ZC3H12A: variants seen among roughly 807,000 people sequenced by gnomAD.
The protein encoded by ZC3H12A is zinc finger CCCH-type containing 12A.
Under a neutral mutation model 29.9 loss-of-function variants are expected in ZC3H12A, and 9 were observed. That is an observed-to-expected ratio of 0.30 (90% CI 0.18 to 0.53). ZC3H12A has a LOEUF of 0.53. ZC3H12A is among the 20% of genes least tolerant of loss of function. The probability of loss-of-function intolerance (pLI) is 0.96; values close to 1 mark genes in which losing one functional copy is unlikely to be tolerated. For missense variants in ZC3H12A, 617 were observed against 799.0 expected (o/e 0.77, Z 2.75); for synonymous variants, 323 against 338.1 (o/e 0.96, Z 0.49).
At position 37,479,988 on chromosome 1, in the gene ZC3H12A, G is replaced by A. The variant is rs1376004885; in HGVS notation, c.444-302G>A. 2.2e-5 allele frequency: 25 copies of A among 1,119,222 alleles called. No homozygotes were observed. Among genetic ancestry groups the A allele is most frequent in the African/African-American group, 1.1e-4 (7 of 62,518 alleles). The allele number at this position is 1,119,222 out of a possible 1,614,324, so 69.3% of individuals were successfully genotyped here. On this transcript the variant is annotated intron_variant, in intron 2 of 5. Transcript: ENST00000373087. This position sits in a 1 kb window ranked among gnomAD's most constrained non-coding sequence, Gnocchi z 4.5. ...GAGCAGTGCTGCCAGCTTCCTGGGCGCTTCCTCACTTTCAGGAGATGGAGC... is the reference window on the plus strand; with the variant it reads ...GAGCAGTGCTGCCAGCTTCCTGGGCACTTCCTCACTTTCAGGAGATGGAGC...
At position 37,483,945 on chromosome 1, in the gene ZC3H12A, G is replaced by GA. The variant is rs1641773318; in HGVS notation, c.*334_*335insA. 4 of 267,164 alleles carry GA rather than the reference G, an allele frequency of 1.5e-5. No individual in the cohort carries two copies. In the Admixed American group the frequency reaches 1.9e-4, roughly 13 times the overall value. The allele number at this position is 267,164 out of a possible 1,614,324, so 16.5% of individuals were successfully genotyped here. A position where few individuals can be genotyped will look rare whatever the true frequency, so the allele number is the denominator to read the frequency against. On this transcript the variant is annotated 3_prime_UTR_variant, in exon 6 of 6. Transcript: ENST00000373087. Reference sequence around the variant, plus strand: ...TTTCTCTCAGAGGGTGGGGAGGGAGGTGGGGGCAGCAGAGGCCTGGGCTGG... The same window carrying GA: ...TTTCTCTCAGAGGGTGGGGAGGGAGGATGGGGGCAGCAGAGGCCTGGGCTGG...
At position 37,483,615 on chromosome 1, in the gene ZC3H12A, G is replaced by A; in HGVS notation, c.*4G>A. ...GTCCCAGCACCCCAGTGAGTAAGCT[G>A]CCTGTGGCTGGCAAGGGCAGCACCC... is the stretch of plus-strand genomic sequence containing the variant. On this transcript the variant is annotated 3_prime_UTR_variant, in exon 6 of 6. Coordinates refer to ENST00000373087, the MANE Select transcript of ZC3H12A (RefSeq NM_025079.3). 1 of 1,594,810 alleles carries A rather than the reference G, an allele frequency of 6.3e-7. No homozygotes were observed. Among genetic ancestry groups the A allele is most frequent in the South Asian group, 1.1e-5 (1 of 88,586 alleles).
At position 37,483,656 on chromosome 1, in the gene ZC3H12A, C is replaced by A; in HGVS notation, c.*45C>A. The stretch of plus-strand genomic sequence containing the variant: ...GGCAGCACCCCCAGCCTCCAAGGGC[C>A]GTCAGGCTGGGCTTTGGGCCATTGA... On this transcript the variant is annotated 3_prime_UTR_variant, in exon 6 of 6. Coordinates refer to ENST00000373087, the MANE Select transcript of ZC3H12A (RefSeq NM_025079.3). 1 of 1,523,140 alleles carries A rather than the reference C, an allele frequency of 6.6e-7. No individual in the cohort carries two copies. Among genetic ancestry groups the A allele is most frequent in the Non-Finnish European group, 8.8e-7 (1 of 1,135,338 alleles). 94.4% of individuals were successfully genotyped at this position (1,523,140 alleles called of 1,614,324 possible). A position where few individuals can be genotyped will look rare whatever the true frequency, so the allele number is the denominator to read the frequency against.
In ZC3H12A at chr1:37,475,464, G is replaced by C; in HGVS notation, c.-33G>C. Reference sequence around the variant, plus strand: ...TAACCCTGTTGGTTGTTCAGTAGGAGCTGTGGCGCGGGGCCTTCCAGGAGT... The same window carrying C: ...TAACCCTGTTGGTTGTTCAGTAGGACCTGTGGCGCGGGGCCTTCCAGGAGT... On this transcript the variant is annotated 5_prime_UTR_variant, in exon 2 of 6. Transcript: ENST00000373087. This position sits in a 1 kb window ranked among gnomAD's most constrained non-coding sequence, Gnocchi z 5.2. The C allele has an allele frequency of 6.4e-7, 1 of 1,567,078 alleles. No homozygotes were observed. Among genetic ancestry groups the C allele is most frequent in the Non-Finnish European group, 8.7e-7 (1 of 1,155,622 alleles).
At position 37,480,352 on chromosome 1, in the gene ZC3H12A, A is replaced by T. The variant is rs753970520; in HGVS notation, c.506A>T (p.Glu169Val). The T allele has an allele frequency of 2.2e-5, 35 of 1,613,874 alleles. No individual in the cohort carries two copies. Among genetic ancestry groups the T allele is most frequent in the Non-Finnish European group, 2.9e-5 (34 of 1,179,960 alleles). ...CTGCTGGCAGTGAACTGGTTTCTGG[A>T]GCGGGGCCACACAGACATCACAGTG... ...GILLAVNWFL[E>V]RGHTDITVFV... is the part of the protein sequence containing the mutation. The change falls in exon 3 of 6, where the codon GAG becomes GTG. Residue 169 changes from glutamate to valine, a missense_variant. This residue lies in a region of ZC3H12A where 255 missense variants were observed against 402.5 expected (regional missense o/e 0.63). Transcript: ENST00000373087.
In ZC3H12A at chr1:37,481,749, C is replaced by T. The variant is rs1187947653; in HGVS notation, c.732C>T (p.Asp244=). Residue 244 remains aspartate (D), a synonymous_variant, in exon 4 of 6, where the codon GAC becomes GAT. Coordinates refer to ENST00000373087, the MANE Select transcript of ZC3H12A (RefSeq NM_025079.3). Reference sequence around the variant, plus strand: ...CTGACGGGATCGTGGTTTCCAACGACACATACCGTGACCTCCAAGGCGAGC... The same window carrying T: ...CTGACGGGATCGTGGTTTCCAACGATACATACCGTGACCTCCAAGGCGAGC... The part of the protein sequence containing the change: ...YESDGIVVSN[D]TYRDLQGERQ... The T allele has an allele frequency of 1.9e-6, 3 of 1,614,114 alleles. No homozygotes were observed. The highest frequency in any genetic ancestry group is 2.2e-5 in the East Asian group (1 of 44,886).
At position 37,481,770 on chromosome 1, in the gene ZC3H12A, C is replaced by G. The variant is rs1207679678; in HGVS notation, c.753C>G (p.Gly251=). ...VSNDTYRDLQ[G]ERQEWKRFIE... is the part of the protein sequence containing the mutation. The stretch of plus-strand genomic sequence containing the variant: ...ACGACACATACCGTGACCTCCAAGG[C>G]GAGCGGCAGGAGTGGAAGCGCTTCA... Residue 251 remains glycine, a synonymous_variant, in exon 4 of 6, where the codon GGC becomes GGG. Coordinates refer to ENST00000373087, the MANE Select transcript of ZC3H12A (RefSeq NM_025079.3). 2.5e-6 allele frequency: 4 copies of G among 1,614,236 alleles called. No homozygotes were observed. In the East Asian group the frequency reaches 8.9e-5, roughly 36 times the overall value.
At position 37,479,762 on chromosome 1, in the gene ZC3H12A, C is replaced by T. The variant is rs1352661275; in HGVS notation, c.444-528C>T. The T allele has an allele frequency of 5.1e-6, 5 of 985,296 alleles. No homozygotes were observed. Among genetic ancestry groups the T allele is most frequent in the Non-Finnish European group, 6.0e-6 (5 of 829,936 alleles). 61.0% of individuals were successfully genotyped at this position (985,296 alleles called of 1,614,324 possible). The stretch of plus-strand genomic sequence containing the variant: ...TTAATCCGGAACAATCTGGTTTCTC[C>T]TCGGTCAGCCCAGCCGGTGCTTCCC... On this transcript the variant is annotated intron_variant, in intron 2 of 5. Transcript: ENST00000373087. The surrounding 1 kb of genome is among the most constrained non-coding windows in gnomAD (Gnocchi z 4.5).
chr1:37,483,933 G>A lies in ZC3H12A; in HGVS notation c.*322G>A, dbSNP rs965319929. The A allele has an allele frequency of 2.5e-5, 7 of 283,584 alleles. No homozygotes were observed. The highest frequency in any genetic ancestry group is 1.5e-4 in the African/African-American group (7 of 46,816). The allele number at this position is 283,584 out of a possible 1,614,324, so 17.6% of individuals were successfully genotyped here. ...CCCAAACCGTCTTTTCTCTCAGAGG[G>A]TGGGGAGGGAGGTGGGGGCAGCAGA... On this transcript the variant is annotated 3_prime_UTR_variant, in exon 6 of 6. Transcript: ENST00000373087.
chr1:37,475,089 C>G lies in ZC3H12A; in HGVS notation c.-38-370C>G, dbSNP rs1641554650. On this transcript the variant is annotated intron_variant, in intron 1 of 5. Transcript: ENST00000373087. The surrounding 1 kb of genome is among the most constrained non-coding windows in gnomAD (Gnocchi z 5.2). ...AGTGGGGAAGCCTTGGGCCCCGCAA[C>G]GCACTTCCAGCCCCAGGATTCCATC... 6.6e-6 allele frequency among the ~76,000 whole-genome samples: 1 copy of G among 152,218 alleles called. No homozygotes were observed. Among genetic ancestry groups the G allele is most frequent in the South Asian group, 2.1e-4 (1 of 4,834 alleles).
rs546102310 is a variant in ZC3H12A, at chr1:37,483,719, T to C, written c.*108T>C. Reference sequence around the variant, plus strand: ...CAGCCCTGAGGCCCACCCCAGAGGCTGGACAGAGGGAGGATTCAAGTCGGG... The same window carrying C: ...CAGCCCTGAGGCCCACCCCAGAGGCCGGACAGAGGGAGGATTCAAGTCGGG... On this transcript the variant is annotated 3_prime_UTR_variant, in exon 6 of 6. Coordinates refer to ENST00000373087, the MANE Select transcript of ZC3H12A (RefSeq NM_025079.3). 1 of 1,371,344 alleles carries C rather than the reference T, an allele frequency of 7.3e-7. No homozygotes were observed. Among genetic ancestry groups the C allele is most frequent in the African/African-American group, 1.5e-5 (1 of 68,298 alleles). The allele number at this position is 1,371,344 out of a possible 1,614,324, so 84.9% of individuals were successfully genotyped here.
Position 37,475,844 on chromosome 1 carries a change from T to A in ZC3H12A, c.348T>A (p.Pro116=). 1 of 1,594,520 alleles carries A rather than the reference T, an allele frequency of 6.3e-7. No individual in the cohort carries two copies. The highest frequency in any genetic ancestry group is 8.6e-7 in the Non-Finnish European group (1 of 1,168,164). The change falls in exon 2 of 6, where the codon CCT becomes CCA. Residue 116 remains proline, a synonymous_variant. Transcript: ENST00000373087. The surrounding 1 kb of genome is among the most constrained non-coding windows in gnomAD (Gnocchi z 5.2). The stretch of plus-strand genomic sequence containing the variant: ...TAGTCCCGCGGGGTGGTGGCACCCC[T>A]AAGGCTCCCAACCTGGAGCCTCCAC... The part of the protein sequence containing the change: ...LPLVPRGGGT[P]KAPNLEPPLP...
At chr1:37,482,336 C>G in intron 4 of ZC3H12A, 98 bp from the exon 5 acceptor site, 1 of 1,067,174 alleles carries the variant, frequency 9.4e-7, no homozygotes, top group African/African-American at 1.6e-5. Flanking sequence ...GTGTCACTCT[C>G]CTATTCTTCC....
rs1475022418 is a variant in ZC3H12A at position 37,483,394 on chromosome 1, T to C, written c.1583T>C (p.Leu528Pro). ...PYPLPPPTSV[L>P]QEPPVQSPGA... ...CCACTGCCCCCACCCACATCAGTCC[T>C]TCAGGAGCCCCCAGTGCAGAGCCCA... The change falls in exon 6 of 6, where the codon CTT becomes CCT. Residue 528 changes from leucine to proline, a missense_variant. Transcript: ENST00000373087. 2 of 1,613,976 alleles carry C rather than the reference T, an allele frequency of 1.2e-6. No individual in the cohort carries two copies. Among genetic ancestry groups the C allele is most frequent in the Non-Finnish European group, 1.7e-6 (2 of 1,179,928 alleles).
Position 37,475,506 on chromosome 1 carries a change from C to G in ZC3H12A, c.10C>G (p.Pro4Ala), listed in dbSNP as rs774897040. The change falls in exon 2 of 6, where the codon CCC becomes GCC. Residue 4 changes from proline (P) to alanine (A), a missense_variant. Pro to Ala is a conservative substitution (Grantham distance 27). Transcript: ENST00000373087. The surrounding 1 kb of genome is among the most constrained non-coding windows in gnomAD (Gnocchi z 5.2). MSG[P>A]CGEKPVLEAS... The stretch of plus-strand genomic sequence containing the variant: ...TCCAGGAGTCTGAGCTATGAGTGGC[C>G]CCTGTGGAGAGAAGCCTGTCCTGGA... The G allele has an allele frequency of 1.9e-6, 3 of 1,606,818 alleles. No individual in the cohort carries two copies. The African/African-American group carries it at 4.0e-5, about 21-fold the overall frequency.
chr1:37,475,502 T>G lies in ZC3H12A; in HGVS notation c.6T>G (p.Ser2Arg). Residue 2 changes from serine to arginine, a missense_variant, in exon 2 of 6, where the codon AGT (serine) becomes AGG (arginine). This residue lies in a region of ZC3H12A where 67 missense variants were observed against 56.2 expected (regional missense o/e 1.19). Coordinates refer to ENST00000373087, the MANE Select transcript of ZC3H12A (RefSeq NM_025079.3). This position sits in a 1 kb window ranked among gnomAD's most constrained non-coding sequence, Gnocchi z 5.2. M[S>R]GPCGEKPVLE... Reference sequence around the variant, plus strand: ...GCCTTCCAGGAGTCTGAGCTATGAGTGGCCCCTGTGGAGAGAAGCCTGTCC... The same window carrying G: ...GCCTTCCAGGAGTCTGAGCTATGAGGGGCCCCTGTGGAGAGAAGCCTGTCC... The G allele has an allele frequency of 1.9e-6, 3 of 1,603,040 alleles. No individual in the cohort carries two copies. The highest frequency in any genetic ancestry group is 2.6e-6 in the Non-Finnish European group (3 of 1,173,996).
rs182536658 is a variant in ZC3H12A at position 37,476,443 on chromosome 1, C to A, written c.443+504C>A. On this transcript the variant is annotated intron_variant, in intron 2 of 5. Transcript: ENST00000373087. This position sits in a 1 kb window ranked among gnomAD's most constrained non-coding sequence, Gnocchi z 6.0. ...GCCTTCTTGTCTCAGACCTGGGCTCCCACGAAAACAGGTCCAGTGACTGTG... is the reference window on the plus strand; with the variant it reads ...GCCTTCTTGTCTCAGACCTGGGCTCACACGAAAACAGGTCCAGTGACTGTG... Among the ~76,000 whole-genome samples, 93 of 152,282 alleles carry A rather than the reference C, an allele frequency of 6.1e-4. No homozygotes were observed. Among genetic ancestry groups the A allele is most frequent in the African/African-American group, 2.1e-3 (88 of 41,556 alleles).
intron 3 of ZC3H12A, among the ~76,000 whole-genome samples, chr1:37,481,046 G>A (rs556133372): frequency 2.6e-5 from 4 of 152,308 alleles, no homozygotes; most frequent in African/African-American, 9.6e-5. Flanking sequence ...AGATCTGGGG[G>A]CAGCCTGTCT....
intron 2 of ZC3H12A, among the ~76,000 whole-genome samples, chr1:37,477,296 T>G (rs1352886700): frequency 6.6e-6 from 1 of 152,116 alleles, no homozygotes; most frequent in African/African-American, 2.4e-5. Flanking sequence ...ATATGCAGTA[T>G]GTGTTTGTAT....
Sources: allele counts gnomAD v4.1 joint callset (sites outside exome capture counted in the v4.1 genomes callset), GRCh38; gene constraint gnomAD v4.1.1; regional missense constraint gnomAD v4.1.1; non-coding constraint Gnocchi (gnomAD v3.1); transcripts MANE v1.5; gene names NCBI Gene and HGNC (gene_info 2026-07-23, HGNC 2026-07-21).